NKAIN2: variants seen among roughly 807,000 people sequenced by gnomAD.
NKAIN2 encodes sodium/potassium transporting ATPase interacting 2, also known as sodium/potassium-transporting ATPase subunit beta-1-interacting protein 2.
NKAIN2 carries 14 observed loss-of-function variants against 32.6 expected under a neutral mutation model. That is an observed-to-expected ratio of 0.43 (90% CI 0.28 to 0.67). The LOEUF (loss-of-function observed/expected upper bound fraction) is 0.67, where lower values mean the gene tolerates loss of function less well. Ranked by LOEUF, NKAIN2 falls within the 30% of genes least tolerant of loss-of-function variation. The pLI, the probability that NKAIN2 is intolerant of heterozygous loss-of-function variation, is 0.17. For synonymous variants in NKAIN2, 80 were observed against 87.2 expected (o/e 0.92, Z 0.46); for missense variants, 198 against 258.3 (o/e 0.77, Z 1.60).
chr6:124,128,328 C>T (rs117663718), intron 1 of NKAIN2, among the ~76,000 whole-genome samples: 2,670 of 152,244 alleles, frequency 0.018, 34 homozygotes, highest in Non-Finnish European at 0.028. Flanking sequence ...CTTACAATTT[C>T]GCTAGTCCAA....
intron 3 of NKAIN2, among the ~76,000 whole-genome samples, chr6:124,435,341 A>G (rs1406695137): frequency 1.3e-5 from 2 of 152,166 alleles, no homozygotes; most frequent in Non-Finnish European, 2.9e-5. Flanking sequence ...CCAGGAAGTC[A>G]GATACACTCA....
At chr6:124,700,080 T>C (rs1472588129) in intron 4 of NKAIN2, among the ~76,000 whole-genome samples, 1 of 152,218 alleles carries the variant, frequency 6.6e-6, no homozygotes, top group Non-Finnish European at 1.5e-5. Context: ...TTTATAAAGA[T>C]GATTTATCGA....
At chr6:124,133,549 C>T (rs1482125073) in intron 1 of NKAIN2, among the ~76,000 whole-genome samples, 1 of 152,126 alleles carries the variant, frequency 6.6e-6, no homozygotes, top group Non-Finnish European at 1.5e-5. Context: ...GGGATATATT[C>T]CCTATTGGCT....
chr6:124,633,974 T>A (rs142843959), intron 3 of NKAIN2, among the ~76,000 whole-genome samples: 1 of 151,932 alleles, frequency 6.6e-6, no homozygotes, highest in African/African-American at 2.4e-5. Context: ...ACAGAAGCAC[T>A]TTCAAACACC....
intron 3 of NKAIN2, among the ~76,000 whole-genome samples, chr6:124,358,217 A>G (rs1040837358): frequency 3.3e-5 from 5 of 152,156 alleles, no homozygotes; most frequent in African/African-American, 7.2e-5. Context: ...GCTATTGTGA[A>G]TAGTGCCGAA....
chr6:124,640,473 C>T (rs1783943703), intron 3 of NKAIN2, among the ~76,000 whole-genome samples: 1 of 152,074 alleles, frequency 6.6e-6, no homozygotes, highest in South Asian at 2.1e-4. Flanking sequence ...CTTTTCAAAG[C>T]TCTTAGGGAA....
chr6:123,904,662 T>G (rs1268031147), intron 1 of NKAIN2, among the ~76,000 whole-genome samples: 1 of 152,174 alleles, frequency 6.6e-6, no homozygotes, highest in South Asian at 2.1e-4. Flanking sequence ...GTTAATAGGC[T>G]TTTCACTCAA....
chr6:124,814,581 A>G (rs974204386), intron 5 of NKAIN2, among the ~76,000 whole-genome samples: 2 of 152,062 alleles, frequency 1.3e-5, no homozygotes, highest in East Asian at 3.9e-4. Flanking sequence ...GTTGTAAGCC[A>G]TCTCTCTCTA....
intron 3 of NKAIN2, among the ~76,000 whole-genome samples, chr6:124,434,008 A>G (rs1775331943): frequency 6.6e-6 from 1 of 152,156 alleles, no homozygotes; most frequent in Non-Finnish European, 1.5e-5. Flanking sequence ...CTGAGATGCT[A>G]TAGACATTAC....
chr6:123,817,359 A>C (rs1358955626), intron 1 of NKAIN2, among the ~76,000 whole-genome samples: 1 of 152,144 alleles, frequency 6.6e-6, no homozygotes, highest in African/African-American at 2.4e-5. Context: ...TTGACAACCA[A>C]AGTGTCTCTA....
intron 1 of NKAIN2, among the ~76,000 whole-genome samples, chr6:124,077,893 C>G (rs1377515836): frequency 1.3e-5 from 2 of 152,032 alleles, no homozygotes; most frequent in Admixed American, 6.6e-5. Flanking sequence ...AATGACAGTG[C>G]CTGACCCAAA....
rs56841213 is a variant in NKAIN2, at chr6:124,815,225, C to CATATAT, written c.536-3151_536-3146dup. On this transcript the variant is annotated intron_variant, in intron 5 of 6. Coordinates refer to ENST00000368417, the MANE Select transcript of NKAIN2 (RefSeq NM_001040214.3). ...TCCCCAGTCTTAAACTATATATATA[C>CATATAT]ATATATATATATATATGTATATATG... 7.7e-3 allele frequency among the ~76,000 whole-genome samples: 1,052 copies of CATATAT among 136,966 alleles called. 11 individuals are homozygous for CATATAT. The highest frequency in any genetic ancestry group is 0.011 in the Non-Finnish European group (736 of 64,212). The allele number at this position is 136,966 out of a possible 152,430, so 89.9% of individuals were successfully genotyped here.
chr6:124,719,368 T>G (rs1231635664), intron 4 of NKAIN2, among the ~76,000 whole-genome samples: 1 of 152,160 alleles, frequency 6.6e-6, no homozygotes, highest in East Asian at 1.9e-4. Context: ...TTTAGCAACA[T>G]GTTACTTATC....
At chr6:124,654,712 C>G (rs1007853085) in intron 3 of NKAIN2, among the ~76,000 whole-genome samples, 1 of 152,050 alleles carries the variant, frequency 6.6e-6, no homozygotes, top group African/African-American at 2.4e-5. Flanking sequence ...ATTTTAAAAA[C>G]AGAAATTTGG....
chr6:124,455,959 G>A lies in NKAIN2; in HGVS notation c.273+100612G>A, dbSNP rs375347815. Among the ~76,000 whole-genome samples the A allele has an allele frequency of 2.4e-4, 36 of 151,892 alleles. 1 individual carries two copies. The East Asian group carries it at 4.1e-3, about 17-fold the overall frequency. On this transcript the variant is annotated intron_variant, in intron 3 of 6. Transcript: ENST00000368417. ...AGGAAGTGTGTAGTGACTTCCCACAGGAGTCACTATTTTTTTCAGTGAAGT... is the reference window on the plus strand; with the variant it reads ...AGGAAGTGTGTAGTGACTTCCCACAAGAGTCACTATTTTTTTCAGTGAAGT...
chr6:124,744,566 T>C (rs1298655189), intron 4 of NKAIN2, among the ~76,000 whole-genome samples: 1 of 151,816 alleles, frequency 6.6e-6, no homozygotes, highest in Non-Finnish European at 1.5e-5. Flanking sequence ...AGATCTTACT[T>C]TTATCCCCGT....
chr6:124,326,769 A>G (rs1168498405), intron 2 of NKAIN2, among the ~76,000 whole-genome samples: 1 of 152,158 alleles, frequency 6.6e-6, no homozygotes, highest in East Asian at 1.9e-4. Context: ...GGTAAACAAT[A>G]ATTGTTTAAT....
At chr6:124,396,694 G>A (rs1317323851) in intron 3 of NKAIN2, among the ~76,000 whole-genome samples, 3 of 152,108 alleles carry the variant, frequency 2.0e-5, no homozygotes, top group Admixed American at 1.3e-4. Context: ...AGATGGAAAG[G>A]AATAAATAAC....
chr6:124,550,379 CT>C (rs545350844), intron 3 of NKAIN2, among the ~76,000 whole-genome samples: 1 of 151,922 alleles, frequency 6.6e-6, no homozygotes, highest in Non-Finnish European at 1.5e-5. Flanking sequence ...GTTTTCTATT[CT>C]TTTTTTTCCT....
Sources: allele counts gnomAD v4.1 joint callset (sites outside exome capture counted in the v4.1 genomes callset), GRCh38; gene constraint gnomAD v4.1.1; transcripts MANE v1.5; gene names NCBI Gene and HGNC (gene_info 2026-07-23, HGNC 2026-07-21).